Variants in DNAH12 observed in about 807,000 individuals in gnomAD.
DNAH12 encodes the protein dynein axonemal heavy chain 12.
DNAH12 carries 285 observed loss-of-function variants against 371.5 expected under a neutral mutation model. That is an observed-to-expected ratio of 0.77 (90% confidence interval 0.70 to 0.85). The LOEUF is 0.85. Ranked by LOEUF, DNAH12 falls within the 40% of genes least tolerant of loss-of-function variation. The probability of loss-of-function intolerance (pLI) is 0.00; values close to 1 mark genes in which losing one functional copy is unlikely to be tolerated. For missense variants in DNAH12, 3,611 were observed against 3,689.4 expected (o/e 0.98, Z 0.55); for synonymous variants, 1,200 against 1,213.0 (o/e 0.99, Z 0.22).
rs372071674 is a variant in DNAH12 at position 57,348,101 on chromosome 3, C to G, written c.9674+3984G>C. Among the ~76,000 whole-genome samples, 11 of 152,244 alleles carry G rather than the reference C, an allele frequency of 7.2e-5. No individual in the cohort carries two copies. In the East Asian group the frequency reaches 1.7e-3, roughly 24 times the overall value. On this transcript the variant is annotated intron_variant, in intron 60 of 73. Transcript: ENST00000495027. ...AGCATATTATTCATAATTGCCAAAA[C>G]TTAGAAGCAACTAAGATGTCCATCA...
chr3:57,487,947 TA>T (rs2066988614), intron 12 of DNAH12, among the ~76,000 whole-genome samples: 1 of 152,138 alleles, frequency 6.6e-6, no homozygotes. Context: ...TCAGGATGGT[TA>T]CAACTCTCAA....
intron 44 of DNAH12, among the ~76,000 whole-genome samples, chr3:57,393,400 G>A (rs2063666474): frequency 6.6e-6 from 1 of 152,080 alleles, no homozygotes; most frequent in South Asian, 2.1e-4. Flanking sequence ...GGCCGAGGCA[G>A]GCGGATCACG....
chr3:57,395,254 T>C (rs1191358251), intron 43 of DNAH12, among the ~76,000 whole-genome samples: 3 of 152,096 alleles, frequency 2.0e-5, no homozygotes, highest in Admixed American at 2.0e-4. Flanking sequence ...AGTTTTTACA[T>C]CATGGAAATT....
chr3:57,326,075 A>G (rs1330596512), intron 62 of DNAH12, among the ~76,000 whole-genome samples: 2 of 152,166 alleles, frequency 1.3e-5, no homozygotes, highest in Non-Finnish European at 2.9e-5. Context: ...GACCAAATCT[A>G]CGTCTGATTG....
rs117987417 is a variant in DNAH12, at chr3:57,504,555, G to A, written c.898-351C>T. ...CCTCCTGAGTAGCTGGGACTACGGCGCGTGCCACCACACCCAGCTAATCAG... is the reference window on the plus strand; with the variant it reads ...CCTCCTGAGTAGCTGGGACTACGGCACGTGCCACCACACCCAGCTAATCAG... On this transcript the variant is annotated intron_variant, in intron 8 of 73. Transcript: ENST00000495027. Among the ~76,000 whole-genome samples, 226 of 151,514 alleles carry A rather than the reference G, an allele frequency of 1.5e-3. 1 individual carries two copies. In the East Asian group the frequency reaches 0.036, roughly 24 times the overall value.
At chr3:57,383,059 T>C (rs1440685838) in intron 49 of DNAH12, among the ~76,000 whole-genome samples, 2 of 152,282 alleles carry the variant, frequency 1.3e-5, no homozygotes, top group South Asian at 4.1e-4. Context: ...CAATATAGAT[T>C]ACAGTGGAGG....
intron 11 of DNAH12, among the ~76,000 whole-genome samples, chr3:57,494,506 G>A (rs2067241435): frequency 6.6e-6 from 1 of 151,762 alleles, no homozygotes; most frequent in Admixed American, 6.6e-5. Context: ...AGGCTACAGT[G>A]AGCTGAGATC....
intron 12 of DNAH12, among the ~76,000 whole-genome samples, chr3:57,487,356 A>AGC (rs1491138392): frequency 2.6e-5 from 2 of 76,258 alleles, no homozygotes; most frequent in Non-Finnish European, 5.7e-5. Context: ...AGAGAGAGAG[A>AGC]AAGAAAGAGA....
intron 4 of DNAH12, among the ~76,000 whole-genome samples, chr3:57,518,685 T>C (rs1007726120): frequency 4.7e-5 from 7 of 150,070 alleles, no homozygotes; most frequent in African/African-American, 1.7e-4. Context: ...GGGAGGGAGG[T>C]AGTTGGGGAA....
chr3:57,296,837 G>A lies in DNAH12; in HGVS notation c.11532+10C>T. On this transcript the variant is annotated intron_variant, in intron 71 of 73. Coordinates refer to ENST00000495027, the MANE Select transcript of DNAH12 (RefSeq NM_001366028.2). Reference sequence around the variant, plus strand: ...AATGATATACTGTTGACTTTAAGGAGTTACTATACCTCAAATTCATATCCT... The same window carrying A: ...AATGATATACTGTTGACTTTAAGGAATTACTATACCTCAAATTCATATCCT... 2 of 1,551,180 alleles carry A rather than the reference G, an allele frequency of 1.3e-6. No individual in the cohort carries two copies. Among genetic ancestry groups the A allele is most frequent in the Non-Finnish European group, 1.7e-6 (2 of 1,146,828 alleles).
At position 57,293,936 on chromosome 3, in the gene DNAH12, C is replaced by G. The variant is rs376390858; in HGVS notation, c.11728G>C (p.Val3910Leu). The change falls in exon 74 of 74, where the codon GTC (valine) becomes CTC (leucine). Residue 3910 changes from valine (V) to leucine (L), a missense_variant. Transcript: ENST00000495027. Reference protein sequence around the residue: ...KSRIIKSDAYVCPLYKTSERK... With the variant: ...KSRIIKSDAYLCPLYKTSERK... Reference sequence around the variant, plus strand: ...TCACTTGTCTTGTAGAGGGGACAGACATAGGCATCCGACTTTATAATCCGA... The same window carrying G: ...TCACTTGTCTTGTAGAGGGGACAGAGATAGGCATCCGACTTTATAATCCGA... The G allele has an allele frequency of 1.4e-6, 2 of 1,440,634 alleles. No individual in the cohort carries two copies. The highest frequency in any genetic ancestry group is 1.8e-6 in the Non-Finnish European group (2 of 1,090,222). The allele number at this position is 1,440,634 out of a possible 1,614,324, so 89.2% of individuals were successfully genotyped here.
chr3:57,314,657 G>GA (rs150487595), intron 65 of DNAH12, 26 bp from the exon 66 acceptor site: 16 of 1,509,282 alleles, frequency 1.1e-5, no homozygotes, highest in African/African-American at 2.9e-5. Flanking sequence ...TACATAACAA[G>GA]AAAAAAAATT....
rs928680488 is a variant in DNAH12, at chr3:57,469,095, G to A, written c.2106-116C>T. 32 of 989,162 alleles carry A rather than the reference G, an allele frequency of 3.2e-5. No individual in the cohort carries two copies. In the African/African-American group the frequency reaches 4.8e-4, roughly 15 times the overall value. 61.3% of individuals were successfully genotyped at this position (989,162 alleles called of 1,614,324 possible). ...AGAGAGAAAAATGAGGGCAAGAGCT[G>A]TTAACAGTTTTTCTCAGGCACACAG... On this transcript the variant is annotated intron_variant, in intron 16 of 73. Coordinates refer to ENST00000495027, the MANE Select transcript of DNAH12 (RefSeq NM_001366028.2).
At chr3:57,402,132 ATGTAAG>A (rs1192142463) in intron 43 of DNAH12, among the ~76,000 whole-genome samples, 1 of 152,198 alleles carries the variant, frequency 6.6e-6, no homozygotes, top group Non-Finnish European at 1.5e-5. Context: ...AAAAGAAACA[ATGTAAG>A]TGTAATTTTC....
At chr3:57,300,507 T>TTGAC (rs1376943084) in intron 70 of DNAH12, among the ~76,000 whole-genome samples, 44 of 152,010 alleles carry the variant, frequency 2.9e-4, no homozygotes, top group African/African-American at 1.1e-3. Context: ...AAAATGGGCC[T>TTGAC]AGGATATGAA....
At chr3:57,482,404 T>C (rs2066775661) in intron 13 of DNAH12, among the ~76,000 whole-genome samples, 1 of 151,766 alleles carries the variant, frequency 6.6e-6, no homozygotes, top group Non-Finnish European at 1.5e-5. Context: ...ATGGCGATCA[T>C]TAAAAAGTCA....
At chr3:57,448,525 C>T (rs904806684) in intron 25 of DNAH12, among the ~76,000 whole-genome samples, 1 of 128,052 alleles carries the variant, frequency 7.8e-6, no homozygotes, top group Admixed American at 8.4e-5. Flanking sequence ...GTGAGTGTGA[C>T]AGCTCAGTGG....
intron 22 of DNAH12, among the ~76,000 whole-genome samples, chr3:57,455,772 ATTGAACCATCTATAG>A: frequency 6.6e-6 from 1 of 152,192 alleles, no homozygotes; most frequent in Non-Finnish European, 1.5e-5. Flanking sequence ...ATTATGCATA[ATTGAACCATCTATAG>A]TTTTGAATTC....
intron 64 of DNAH12, 131 bp downstream of exon 64, chr3:57,322,876 G>C: frequency 7.6e-7 from 1 of 1,311,508 alleles, no homozygotes; most frequent in Non-Finnish European, 1.0e-6. Context: ...TTTGCGGTGA[G>C]CCGAAATTGC....
Sources: gnomAD v4.1 joint callset for allele counts (sites outside exome capture counted in the v4.1 genomes callset) on GRCh38, gnomAD v4.1.1 for gene constraint, MANE v1.5 for transcripts, NCBI Gene and HGNC (gene_info 2026-07-23, HGNC 2026-07-21) for gene names.